The following SFI1 variants were observed in gnomAD, a reference collection of about 807,000 sequenced individuals.
The protein encoded by SFI1 is protein SFI1 homolog.
Under a neutral mutation model 207.5 loss-of-function variants are expected in SFI1, and 195 were observed. The observed-to-expected ratio is 0.94, with a 90% CI of 0.84 to 1.06. The LOEUF (loss-of-function observed/expected upper bound fraction) is 1.06. Ranked by LOEUF, SFI1 falls within the 50% of genes least tolerant of loss-of-function variation. SFI1 has a pLI of 0.00. For synonymous variants in SFI1, 630 were observed against 598.9 expected, an observed-to-expected ratio of 1.05 and a Z score of -0.76; for missense variants, 1,634 against 1,588.0, an observed-to-expected ratio of 1.03 and a Z score of -0.49.
intron 2 of SFI1, among the ~76,000 whole-genome samples, chr22:31,526,042 C>T (rs886810239): frequency 2.0e-5 from 3 of 152,242 alleles, no homozygotes; most frequent in East Asian, 1.9e-4. Flanking sequence ...GCATGTTCTT[C>T]TGTCCTCTGT....
chr22:31,612,426 T>TATATATATATATATAA (rs1491348905), intron 24 of SFI1: 124 of 99,588 alleles, frequency 1.2e-3, no homozygotes, highest in East Asian at 2.5e-3. Context: ...TATATATATA[T>TATATATATATATATAA]AATCAGTGGG....
chr22:31,542,814 A>G (rs1324031604), intron 4 of SFI1, among the ~76,000 whole-genome samples: 1 of 151,294 alleles, frequency 6.6e-6, no homozygotes, highest in African/African-American at 2.4e-5. Context: ...GGCATGCACC[A>G]CAACGCCCAG....
At chr22:31,600,879 A>G (rs1037713329) in intron 15 of SFI1, among the ~76,000 whole-genome samples, 1 of 152,232 alleles carries the variant, frequency 6.6e-6, no homozygotes, top group Admixed American at 6.5e-5. Context: ...ATCCAGGACC[A>G]GTGACTGTGT....
intron 1 of SFI1, among the ~76,000 whole-genome samples, chr22:31,501,435 G>C (rs746952915): frequency 6.6e-6 from 1 of 152,124 alleles, no homozygotes; most frequent in Non-Finnish European, 1.5e-5. Flanking sequence ...CTCCCAAAGT[G>C]CTGGGATTAC....
chr22:31,554,147 T>G (rs2060928931), intron 6 of SFI1, among the ~76,000 whole-genome samples: 1 of 151,882 alleles, frequency 6.6e-6, no homozygotes, highest in South Asian at 2.1e-4. Flanking sequence ...TGGATTATAT[T>G]TTTTCATATC....
intron 2 of SFI1, among the ~76,000 whole-genome samples, chr22:31,527,086 G>A (rs144559035): frequency 0.051 from 7,791 of 151,996 alleles, 643 homozygotes; most frequent in African/African-American, 0.17. Context: ...TAATAGAGAC[G>A]GGATTTCGCC....
chr22:31,568,344 T>C (rs1350955987), intron 8 of SFI1, among the ~76,000 whole-genome samples: 1 of 150,178 alleles, frequency 6.7e-6, no homozygotes, highest in Non-Finnish European at 1.5e-5. Context: ...CTGGCCAACA[T>C]GGTGAAATCC....
intron 6 of SFI1, among the ~76,000 whole-genome samples, chr22:31,553,867 T>TTTTTTTTTTC (rs1293077499): frequency 1.3e-4 from 15 of 116,194 alleles, no homozygotes; most frequent in South Asian, 3.2e-4. Context: ...TTTTTTTTTT[T>TTTTTTTTTTC]TGCGAGAGTC....
At chr22:31,498,710 CTG>C (rs1243110526) in intron 1 of SFI1, among the ~76,000 whole-genome samples, 1 of 151,492 alleles carries the variant, frequency 6.6e-6, no homozygotes, top group Non-Finnish European at 1.5e-5. Flanking sequence ...CCATGGATAA[CTG>C]AGAGACTCAA....
intron 27 of SFI1, chr22:31,614,403 G>A (rs371310238): frequency 1.3e-5 from 5 of 395,426 alleles, no homozygotes; most frequent in African/African-American, 8.3e-5. Context: ...CTTGGGCCTC[G>A]GGGGAGATGT....
chr22:31,608,192 CAA>C (rs1235273478), intron 22 of SFI1, among the ~76,000 whole-genome samples, 159 bp downstream of exon 22: 1 of 152,178 alleles, frequency 6.6e-6, no homozygotes, highest in Non-Finnish European at 1.5e-5. Context: ...TCAAACAACA[CAA>C]AATTGCCCTC....
chr22:31,614,951 G>A (rs762382605), intron 28 of SFI1, 91 bp downstream of exon 28: 7 of 1,575,736 alleles, frequency 4.4e-6, no homozygotes, highest in African/African-American at 1.3e-5. Context: ...CCTGTGTTTT[G>A]GCAGCCCTGG....
chr22:31,552,490 G>A (rs1443853100), intron 6 of SFI1, among the ~76,000 whole-genome samples: 3 of 152,132 alleles, frequency 2.0e-5, no homozygotes, highest in African/African-American at 7.2e-5. Context: ...TGACCTCAGT[G>A]ATCTGCCTGC....
chr22:31,565,532 A>AC (rs1430192304), intron 8 of SFI1, among the ~76,000 whole-genome samples: 3 of 130,056 alleles, frequency 2.3e-5, no homozygotes, highest in East Asian at 2.6e-4. Flanking sequence ...CCCCATCTCT[A>AC]CAAAAAAAAA....
chr22:31,575,513 T>G, intron 10 of SFI1, 121 bp downstream of exon 10: 5 of 1,046,914 alleles, frequency 4.8e-6, no homozygotes, highest in Non-Finnish European at 6.6e-6. Flanking sequence ...CAAAACAGCC[T>G]TATCTCTGTT....
rs764257089 is a variant in SFI1, at chr22:31,556,930, T to C, written c.545-12T>C. On this transcript the variant is annotated splice_polypyrimidine_tract_variant and intron_variant, in intron 6 of 32. Coordinates refer to ENST00000400288, the MANE Select transcript of SFI1 (RefSeq NM_001007467.3). ...CCCCATGCCTTTTGAAAAATCTCTTTGGTGAATCTAGATGCAAAGCAAAAG... is the reference window on the plus strand; with the variant it reads ...CCCCATGCCTTTTGAAAAATCTCTTCGGTGAATCTAGATGCAAAGCAAAAG... The C allele has an allele frequency of 6.3e-7, 1 of 1,575,140 alleles. No individual in the cohort carries two copies. Among genetic ancestry groups the C allele is most frequent in the Admixed American group, 1.8e-5 (1 of 55,708 alleles).
At position 31,611,265 on chromosome 22, in the gene SFI1, C is replaced by T. The variant is rs377093919; in HGVS notation, c.2377C>T (p.Arg793Trp). ...HRQLLLEGLA[R>W]WKTHHLQCVR... ...GCAGCTGCTGCTGGAGGGGCTGGCC[C>T]GGTGGAAGACGCACCATCTGCAGTG... The change falls in exon 23 of 33, where the codon CGG becomes TGG. Residue 793 changes from arginine (R) to tryptophan (W), a missense_variant. By Grantham distance (101) the Arg-to-Trp change is moderately radical. Transcript: ENST00000400288. 3.7e-5 allele frequency: 60 copies of T among 1,611,662 alleles called. No homozygotes were observed. The African/African-American group carries it at 5.2e-4, about 14-fold the overall frequency.
intron 15 of SFI1, among the ~76,000 whole-genome samples, chr22:31,598,754 T>C (rs1034869567): frequency 4.9e-5 from 5 of 102,598 alleles, no homozygotes; most frequent in African/African-American, 1.8e-4. Flanking sequence ...AGCAGAAGTG[T>C]TTGAATTCTG....
chr22:31,509,216 A>T (rs1028896713), intron 2 of SFI1, among the ~76,000 whole-genome samples: 4 of 152,212 alleles, frequency 2.6e-5, no homozygotes, highest in African/African-American at 7.2e-5. Context: ...ATATATGTGT[A>T]TGTGAAAGGG....
Sources: gnomAD v4.1 joint callset for allele counts (sites outside exome capture counted in the v4.1 genomes callset) on GRCh38, gnomAD v4.1.1 for gene constraint, MANE v1.5 for transcripts, NCBI Gene and HGNC (gene_info 2026-07-23, HGNC 2026-07-21) for gene names.